The following FARS2 variants were observed in gnomAD, a reference collection of about 807,000 sequenced individuals.
The protein encoded by FARS2 is phenylalanyl-tRNA synthetase 2, mitochondrial.
In FARS2, 40 loss-of-function variants were observed where a neutral mutation model predicts 46.4. The ratio of observed to expected loss-of-function variants is 0.86; its 90% CI spans 0.67 to 1.12. The LOEUF (loss-of-function observed/expected upper bound fraction) is 1.12, where lower values mean the gene tolerates loss of function less well. Among genes scored for constraint, FARS2 ranks in the 50% most tolerant of loss-of-function variants. FARS2 has a pLI of 0.00. For missense variants in FARS2, 513 were observed against 567.9 expected (o/e 0.90, Z 0.98); for synonymous variants, 234 against 214.9 (o/e 1.09, Z -0.78).
At chr6:5,373,777 C>T (rs1660513356) in intron 2 of FARS2, among the ~76,000 whole-genome samples, 2 of 151,892 alleles carry the variant, frequency 1.3e-5, no homozygotes, top group Non-Finnish European at 2.9e-5. Flanking sequence ...TTTGCTATGG[C>T]TTGAGAAGCG....
At position 5,545,288 on chromosome 6, in the gene FARS2, G is replaced by A. The variant is rs746837108; in HGVS notation, c.1013G>A (p.Arg338His). Reference sequence around the variant, plus strand: ...CGTCTCTTCTGGTGTGAGGACGAGCGCTTCCTGAAGCAGTTCTGTGTATCC... The same window carrying A: ...CGTCTCTTCTGGTGTGAGGACGAGCACTTCCTGAAGCAGTTCTGTGTATCC... ...DIRLFWCEDERFLKQFCVSNI... is the reference protein window; with the variant it reads ...DIRLFWCEDEHFLKQFCVSNI... The change falls in exon 5 of 7, where the codon CGC (arginine) becomes CAC (histidine). Residue 338 changes from arginine to histidine, a missense_variant. Physicochemically the swap from Arg to His is conservative, Grantham distance 29. Transcript: ENST00000274680. 24 of 1,613,908 alleles carry A rather than the reference G, an allele frequency of 1.5e-5. No individual in the cohort carries two copies. The African/African-American group carries it at 2.0e-4, about 13-fold the overall frequency.
chr6:5,555,142 G>A (rs1771584467), intron 5 of FARS2, among the ~76,000 whole-genome samples: 1 of 151,984 alleles, frequency 6.6e-6, no homozygotes, highest in Non-Finnish European at 1.5e-5. Flanking sequence ...ACATCTGATG[G>A]GCTTATCAGG....
intron 2 of FARS2, among the ~76,000 whole-genome samples, chr6:5,369,605 A>G (rs1230434242): frequency 6.6e-6 from 1 of 152,126 alleles, no homozygotes; most frequent in African/African-American, 2.4e-5. Flanking sequence ...AGAGAAATGA[A>G]TTTCTTAGGT....
chr6:5,398,181 C>T (rs1761021970), intron 2 of FARS2, among the ~76,000 whole-genome samples: 2 of 151,916 alleles, frequency 1.3e-5, no homozygotes, highest in Admixed American at 1.3e-4. Flanking sequence ...AATATTTTGC[C>T]CTATTAACTT....
chr6:5,325,533 A>G (rs1487679334), intron 1 of FARS2, among the ~76,000 whole-genome samples: 1 of 152,192 alleles, frequency 6.6e-6, no homozygotes, highest in Non-Finnish European at 1.5e-5. Context: ...TGAAGAGCAG[A>G]AGCCACAAAC....
chr6:5,469,908 A>C (rs562768948), intron 4 of FARS2, among the ~76,000 whole-genome samples: 15 of 152,318 alleles, frequency 9.8e-5, no homozygotes, highest in Admixed American at 3.3e-4. Context: ...GTGCCCTTAC[A>C]CAAGATACTT....
chr6:5,770,168 C>T (rs1269629864), intron 6 of FARS2, among the ~76,000 whole-genome samples: 1 of 152,192 alleles, frequency 6.6e-6, no homozygotes, highest in Non-Finnish European at 1.5e-5. Context: ...TACCAGTTTC[C>T]AGTGAATATG....
At position 5,563,794 on chromosome 6, in the gene FARS2, G is replaced by C. The variant is rs1411849760; in HGVS notation, c.1065+18454G>C. On this transcript the variant is annotated intron_variant, in intron 5 of 6. Transcript: ENST00000274680. ...CCAAATACCAATACAAGATATATAA[G>C]CAAGAAAGTGCTTAATAAAGGGGTT... Among the ~76,000 whole-genome samples, 4 of 152,250 alleles carry C rather than the reference G, an allele frequency of 2.6e-5. No homozygotes were observed. The East Asian group carries it at 7.7e-4, about 29-fold the overall frequency.
In FARS2 at chr6:5,380,359, T is replaced by TA. The variant is rs768301062; in HGVS notation, c.612+11178dup. Among the ~76,000 whole-genome samples the TA allele has an allele frequency of 2.1e-4, 32 of 152,254 alleles. 1 individual carries two copies. Among genetic ancestry groups the TA allele is most frequent in the Non-Finnish European group, 4.3e-4 (29 of 68,038 alleles). On this transcript the variant is annotated intron_variant, in intron 2 of 6. Transcript: ENST00000274680. ...TTTACCAAATCCAAATAATTACAGT[T>TA]AGAGACGGTGTTTTTTTCTACTAGC...
At chr6:5,701,202 G>A (rs1451775108) in intron 6 of FARS2, among the ~76,000 whole-genome samples, 3 of 152,226 alleles carry the variant, frequency 2.0e-5, no homozygotes, top group African/African-American at 7.2e-5. Flanking sequence ...CTAAGTCGTC[G>A]GGATTACCGG....
intron 4 of FARS2, among the ~76,000 whole-genome samples, chr6:5,522,479 A>G (rs907781930): frequency 2.0e-5 from 3 of 152,280 alleles, no homozygotes. Flanking sequence ...AGCCTGCATC[A>G]TTGTTCCACA....
At chr6:5,364,280 C>A (rs1329163915) in intron 1 of FARS2, among the ~76,000 whole-genome samples, 2 of 152,100 alleles carry the variant, frequency 1.3e-5, no homozygotes, top group Non-Finnish European at 2.9e-5. Flanking sequence ...AGATGAGAAC[C>A]TTGAGGCCAG....
chr6:5,766,108 A>G (rs1762735916), intron 6 of FARS2, among the ~76,000 whole-genome samples: 1 of 152,222 alleles, frequency 6.6e-6, no homozygotes, highest in African/African-American at 2.4e-5. Context: ...GTAATGGGCA[A>G]TCTGGTTTAC....
chr6:5,398,444 C>T (rs537711746), intron 2 of FARS2, among the ~76,000 whole-genome samples: 3 of 152,006 alleles, frequency 2.0e-5, no homozygotes, highest in Admixed American at 2.0e-4. Flanking sequence ...CTTTGGGAGC[C>T]CCTTAAGTAG....
chr6:5,612,087 A>T (rs569676783), intron 5 of FARS2, among the ~76,000 whole-genome samples: 2 of 152,156 alleles, frequency 1.3e-5, no homozygotes, highest in African/African-American at 4.8e-5. Flanking sequence ...ATATTTTGTC[A>T]ACAGCACCCG....
chr6:5,508,104 A>G (rs925294380), intron 4 of FARS2, among the ~76,000 whole-genome samples: 1 of 152,236 alleles, frequency 6.6e-6, no homozygotes, highest in African/African-American at 2.4e-5. Flanking sequence ...GCACTGCAAT[A>G]TATATGCATA....
intron 4 of FARS2, among the ~76,000 whole-genome samples, chr6:5,456,222 AC>A (rs1015097641): frequency 1.4e-5 from 1 of 71,374 alleles, no homozygotes; most frequent in Non-Finnish European, 3.1e-5. Context: ...TCAAAAAAAA[AC>A]AAAAAGCAAA....
intron 4 of FARS2, among the ~76,000 whole-genome samples, chr6:5,446,814 C>T (rs1041831249): frequency 6.6e-6 from 1 of 152,118 alleles, no homozygotes; most frequent in East Asian, 1.9e-4. Context: ...TGAATTAACA[C>T]AGCCATCATC....
intron 1 of FARS2, among the ~76,000 whole-genome samples, chr6:5,336,757 A>G (rs553060147): frequency 2.6e-5 from 4 of 152,148 alleles, no homozygotes; most frequent in Admixed American, 2.6e-4. Context: ...ATTTTTTCAG[A>G]TTAGTTTTTG....
Sources: gnomAD v4.1 joint callset for allele counts (sites outside exome capture counted in the v4.1 genomes callset) on GRCh38, gnomAD v4.1.1 for gene constraint, MANE v1.5 for transcripts, NCBI Gene and HGNC (gene_info 2026-07-23, HGNC 2026-07-21) for gene names.